SSBP2: variants seen among roughly 807,000 people sequenced by gnomAD.
SSBP2 encodes single stranded DNA binding protein 2.
SSBP2 carries 17 observed loss-of-function variants against 61.8 expected under a neutral mutation model. The ratio of observed to expected loss-of-function variants is 0.28; its 90% CI spans 0.19 to 0.41. SSBP2 has a LOEUF of 0.41. Among genes scored for constraint, SSBP2 ranks in the 10% least tolerant of loss-of-function variants. The pLI, the probability that SSBP2 is intolerant of heterozygous loss-of-function variation, is 1.00. For missense variants in SSBP2, 310 were observed against 458.7 expected (o/e 0.68, Z 2.96); for synonymous variants, 139 against 141.3 (o/e 0.98, Z 0.12).
intron 2 of SSBP2, among the ~76,000 whole-genome samples, chr5:81,637,559 A>G (rs1281886531): frequency 6.6e-6 from 1 of 152,234 alleles, no homozygotes; most frequent in East Asian, 1.9e-4. Flanking sequence ...ATATGGGCAT[A>G]AACTTTAACT....
chr5:81,705,060 T>C (rs1171739939), intron 1 of SSBP2, among the ~76,000 whole-genome samples: 1 of 152,056 alleles, frequency 6.6e-6, no homozygotes. Flanking sequence ...ACAAAATATA[T>C]ACATATTTGT....
chr5:81,511,252 A>G (rs1018273743), intron 5 of SSBP2, among the ~76,000 whole-genome samples: 1 of 152,156 alleles, frequency 6.6e-6, no homozygotes, highest in Non-Finnish European at 1.5e-5. Context: ...AGAGCACACT[A>G]CAGCCATTTT....
Position 81,545,118 on chromosome 5 carries a change from C to T in SSBP2, c.283-31401G>A, listed in dbSNP as rs187448119. Among the ~76,000 whole-genome samples the T allele has an allele frequency of 4.6e-5, 7 of 152,258 alleles. No individual in the cohort carries two copies. The East Asian group carries it at 1.2e-3, about 25-fold the overall frequency. On this transcript the variant is annotated intron_variant, in intron 4 of 16. Transcript: ENST00000320672. ...TAACAATTAATAAGTATACAGAGAG[C>T]ACAGCTGAATTTGAATTTCAGATAA... is the stretch of plus-strand genomic sequence containing the variant.
At chr5:81,667,349 T>C (rs1258356840) in intron 1 of SSBP2, among the ~76,000 whole-genome samples, 2 of 149,970 alleles carry the variant, frequency 1.3e-5, no homozygotes, top group African/African-American at 2.5e-5. Flanking sequence ...ACAATCCATA[T>C]AGGGGTTCCT....
chr5:81,581,204 TAA>T (rs1363693575), intron 4 of SSBP2, among the ~76,000 whole-genome samples: 3 of 152,170 alleles, frequency 2.0e-5, no homozygotes, highest in Non-Finnish European at 4.4e-5. Flanking sequence ...AGGTATGCTG[TAA>T]GTAAGATCGA....
chr5:81,730,444 C>G (rs1756186883), intron 1 of SSBP2, among the ~76,000 whole-genome samples: 1 of 152,138 alleles, frequency 6.6e-6, no homozygotes, highest in Non-Finnish European at 1.5e-5. Context: ...AGGCTGGTCT[C>G]GAGCTCCTGA....
rs1194183224 is a variant in SSBP2, at chr5:81,594,418, C to T, written c.282+21055G>A. Among the ~76,000 whole-genome samples the T allele has an allele frequency of 2.6e-5, 4 of 152,230 alleles. No homozygotes were observed. The South Asian group carries it at 8.3e-4, about 32-fold the overall frequency. Reference sequence around the variant, plus strand: ...GGAGACTTTAACACCCCACTGTCAACATTAGACAGATCAACGAGACAGAAA... The same window carrying T: ...GGAGACTTTAACACCCCACTGTCAATATTAGACAGATCAACGAGACAGAAA... On this transcript the variant is annotated intron_variant, in intron 4 of 16. Transcript: ENST00000320672.
intron 13 of SSBP2, among the ~76,000 whole-genome samples, chr5:81,441,059 T>C (rs1763000666): frequency 6.6e-6 from 1 of 152,204 alleles, no homozygotes; most frequent in Non-Finnish European, 1.5e-5. Flanking sequence ...AACATTAACA[T>C]TTTTCTTAGT....
chr5:81,441,079 G>C (rs1301501012), intron 13 of SSBP2, among the ~76,000 whole-genome samples: 2 of 152,160 alleles, frequency 1.3e-5, no homozygotes, highest in East Asian at 3.8e-4. Flanking sequence ...TAGGCAATCT[G>C]TCTTTGTTTA....
chr5:81,591,305 G>A (rs1775481169), intron 4 of SSBP2, among the ~76,000 whole-genome samples: 1 of 152,156 alleles, frequency 6.6e-6, no homozygotes, highest in East Asian at 1.9e-4. Context: ...ACCGGAAAAA[G>A]AGGAGGCATG....
intron 4 of SSBP2, among the ~76,000 whole-genome samples, chr5:81,558,841 T>C (rs1188982976): frequency 6.6e-6 from 1 of 152,236 alleles, no homozygotes; most frequent in Non-Finnish European, 1.5e-5. Flanking sequence ...GTACTGTCTA[T>C]ATTTACTATG....
At chr5:81,724,716 C>T (rs1196772022) in intron 1 of SSBP2, among the ~76,000 whole-genome samples, 1 of 152,034 alleles carries the variant, frequency 6.6e-6, no homozygotes, top group Non-Finnish European at 1.5e-5. Context: ...TATGTAATAT[C>T]GGGTTAGAAG....
At chr5:81,455,956 T>TTA (rs998684235) in intron 10 of SSBP2, among the ~76,000 whole-genome samples, 3 of 152,214 alleles carry the variant, frequency 2.0e-5, no homozygotes, top group Non-Finnish European at 4.4e-5. Flanking sequence ...GACTTTCATT[T>TTA]TGTTAAATGA....
chr5:81,608,684 T>C (rs1426015066), intron 4 of SSBP2, among the ~76,000 whole-genome samples: 7 of 152,158 alleles, frequency 4.6e-5, no homozygotes, highest in Non-Finnish European at 7.4e-5. Flanking sequence ...TGAACTGTAA[T>C]GGATTGAGAT....
At chr5:81,643,177 G>A (rs1027795078) in intron 2 of SSBP2, among the ~76,000 whole-genome samples, 6 of 152,124 alleles carry the variant, frequency 3.9e-5, no homozygotes, top group Non-Finnish European at 5.9e-5. Context: ...GGGATAGCAC[G>A]ATTCTGGATG....
At chr5:81,609,880 C>A (rs1024923555) in intron 4 of SSBP2, among the ~76,000 whole-genome samples, 1 of 152,078 alleles carries the variant, frequency 6.6e-6, no homozygotes, top group Non-Finnish European at 1.5e-5. Context: ...CTATTCTGAG[C>A]CCATAAAAGC....
chr5:81,712,847 C>T (rs1204301564), intron 1 of SSBP2, among the ~76,000 whole-genome samples: 1 of 151,620 alleles, frequency 6.6e-6, no homozygotes, highest in African/African-American at 2.4e-5. Flanking sequence ...ATCCTCCTAC[C>T]GCAGCCTCTG....
chr5:81,728,802 G>C (rs1162763979), intron 1 of SSBP2, among the ~76,000 whole-genome samples: 1 of 152,084 alleles, frequency 6.6e-6, no homozygotes, highest in Admixed American at 6.5e-5. Context: ...CAAATTAGTG[G>C]GTATGGCATT....
At chr5:81,432,471 G>T (rs1466961972) in intron 15 of SSBP2, among the ~76,000 whole-genome samples, 1 of 152,136 alleles carries the variant, frequency 6.6e-6, no homozygotes, top group African/African-American at 2.4e-5. Flanking sequence ...AACCGGCCGG[G>T]CACGGTGGCT....
Sources: gnomAD v4.1 joint callset for allele counts (sites outside exome capture counted in the v4.1 genomes callset) on GRCh38, gnomAD v4.1.1 for gene constraint, MANE v1.5 for transcripts, NCBI Gene and HGNC (gene_info 2026-07-23, HGNC 2026-07-21) for gene names.